Variants in LMTK3 observed in about 807,000 individuals in gnomAD.
LMTK3 encodes lemur tail kinase 3.
In LMTK3, 27 loss-of-function variants were observed where a neutral mutation model predicts 116.7. That is an observed-to-expected ratio of 0.23 (90% CI 0.17 to 0.32). The LOEUF is 0.32. LMTK3 is among the 10% of genes least tolerant of loss of function. The pLI is 1.00. For synonymous variants in LMTK3, 965 were observed against 971.0 expected (o/e 0.99, Z 0.11); for missense variants, 1,764 against 2,068.5 (o/e 0.85, Z 2.86).
rs970445655 is a variant in LMTK3, at chr19:48,511,758, C to T, written c.-182G>A. ...TGCTGGCTCAGGTACCCCCCTCCCC[C>T]TCTTTGAAGGGACAGACGGATGAAG... is the stretch of plus-strand genomic sequence containing the variant. On this transcript the variant is annotated 5_prime_UTR_variant, in exon 1 of 15. Coordinates refer to ENST00000600059, the MANE Select transcript of LMTK3 (RefSeq NM_001388485.1). 2 of 382,306 alleles carry T rather than the reference C, an allele frequency of 5.2e-6. No homozygotes were observed. Among genetic ancestry groups the T allele is most frequent in the Non-Finnish European group, 9.4e-6 (2 of 213,284 alleles). 23.7% of individuals were successfully genotyped at this position (382,306 alleles called of 1,614,324 possible).
chr19:48,496,061 T>G (rs764407840), intron 11 of LMTK3, among the ~76,000 whole-genome samples: 2 of 152,222 alleles, frequency 1.3e-5, no homozygotes, highest in African/African-American at 2.4e-5. Flanking sequence ...ACTGGATAGA[T>G]GCCTTAGCTT....
chr19:48,503,318 G>A (rs1186512399), intron 5 of LMTK3, among the ~76,000 whole-genome samples: 1 of 152,078 alleles, frequency 6.6e-6, no homozygotes, highest in Non-Finnish European at 1.5e-5. Context: ...AAAGTGCTGG[G>A]ATTACAGGCG....
Position 48,498,552 on chromosome 19 carries a change from C to A in LMTK3, c.2517G>T (p.Pro839=). Residue 839 remains proline (P), a synonymous_variant, in exon 11 of 15, where the codon CCG becomes CCT. Coordinates refer to ENST00000600059, the MANE Select transcript of LMTK3 (RefSeq NM_001388485.1). ...DPGAPRPPPD[P]GPLPLPGPRE... ...GGGGCCCCGGGAGTGGGAGCGGACC[C>A]GGGTCTGGAGGTGGCCGGGGCGCTC... The A allele has an allele frequency of 6.4e-7, 1 of 1,562,244 alleles. No individual in the cohort carries two copies. Among genetic ancestry groups the A allele is most frequent in the Non-Finnish European group, 8.7e-7 (1 of 1,153,376 alleles).
Position 48,486,226 on chromosome 19 carries a change from A to C in LMTK3, c.4367-437T>G, listed in dbSNP as rs1012710552. On this transcript the variant is annotated intron_variant, in intron 14 of 14. Transcript: ENST00000600059. ...AGGCGCCCGCCACTACGCCCGGCTAATTTTTTGTATTTTTAGTAGAGACGG... is the reference window on the plus strand; with the variant it reads ...AGGCGCCCGCCACTACGCCCGGCTACTTTTTTGTATTTTTAGTAGAGACGG... 3.1e-4 allele frequency among the ~76,000 whole-genome samples: 46 copies of C among 148,524 alleles called. 1 individual carries two copies. The highest frequency in any genetic ancestry group is 1.1e-3 in the African/African-American group (44 of 39,884).
chr19:48,498,120 C>T lies in LMTK3; in HGVS notation c.2949G>A (p.Glu983=), dbSNP rs905648442. ...ALENGELRSP[E]AGEKVLVNGG... Reference sequence around the variant, plus strand: ...CATTCACCAGCACCTTCTCCCCGGCCTCTGGGGACCTCAGCTCCCCATTCT... The same window carrying T: ...CATTCACCAGCACCTTCTCCCCGGCTTCTGGGGACCTCAGCTCCCCATTCT... Residue 983 remains glutamate (E), a synonymous_variant, in exon 11 of 15, where the codon GAG becomes GAA. Coordinates refer to ENST00000600059, the MANE Select transcript of LMTK3 (RefSeq NM_001388485.1). 6.8e-6 allele frequency: 11 copies of T among 1,613,606 alleles called. No homozygotes were observed. The highest frequency in any genetic ancestry group is 7.6e-6 in the Non-Finnish European group (9 of 1,179,838).
chr19:48,502,323 T>C (rs1972485189), intron 7 of LMTK3, 110 bp downstream of exon 7: 2 of 1,324,304 alleles, frequency 1.5e-6, no homozygotes, highest in Admixed American at 2.3e-5. Flanking sequence ...TCGTCCCTAT[T>C]TTGTGTCAGC....
intron 14 of LMTK3, among the ~76,000 whole-genome samples, chr19:48,487,877 T>A (rs1266559508): frequency 6.6e-6 from 1 of 152,090 alleles, no homozygotes; most frequent in Non-Finnish European, 1.5e-5. Flanking sequence ...TCATGCTTCA[T>A]GGAGACTTTG....
intron 5 of LMTK3, among the ~76,000 whole-genome samples, chr19:48,508,431 G>A (rs1434211633): frequency 2.0e-5 from 3 of 152,074 alleles, no homozygotes; most frequent in Non-Finnish European, 2.9e-5. Context: ...GGCAGGGATG[G>A]AGCTCCACAG....
intron 14 of LMTK3, among the ~76,000 whole-genome samples, chr19:48,490,381 C>T (rs958752786): frequency 1.3e-5 from 2 of 152,050 alleles, no homozygotes; most frequent in African/African-American, 4.8e-5. Flanking sequence ...AAAAAAGTAG[C>T]TGGGCGTGGT....
chr19:48,498,718 G>C lies in LMTK3; in HGVS notation c.2351C>G (p.Ser784Trp), dbSNP rs1231106255. The change falls in exon 11 of 15, where the codon TCG (serine) becomes TGG (tryptophan). Residue 784 changes from serine to tryptophan, a missense_variant. Ser to Trp is a radical substitution (Grantham distance 177). This residue lies in a region of LMTK3 where 1,028 missense variants were observed against 1,050.6 expected (regional missense o/e 0.98). Coordinates refer to ENST00000600059, the MANE Select transcript of LMTK3 (RefSeq NM_001388485.1). ...GTCCCCCGGCTTGGGGCCCGGCGAC[G>C]AGAGGCCTGAACCGGGACTGGCCAC... The part of the protein sequence containing the change: ...SAVASPGSGL[S>W]SPGPKPGDSG... The C allele has an allele frequency of 6.5e-7, 1 of 1,532,620 alleles. No individual in the cohort carries two copies. Among genetic ancestry groups the C allele is most frequent in the Admixed American group, 2.0e-5 (1 of 50,812 alleles). The allele number at this position is 1,532,620 out of a possible 1,614,324, so 94.9% of individuals were successfully genotyped here. A position where few individuals can be genotyped will look rare whatever the true frequency, so the allele number is the denominator to read the frequency against.
chr19:48,493,052 C>T (rs1453105795), intron 12 of LMTK3, among the ~76,000 whole-genome samples: 1 of 152,152 alleles, frequency 6.6e-6, no homozygotes, highest in East Asian at 1.9e-4. Context: ...CGCCCTGCTC[C>T]ATCCGCCCCG....
chr19:48,497,265 G>C lies in LMTK3; in HGVS notation c.3676+128C>G. The C allele has an allele frequency of 9.8e-7, 1 of 1,019,132 alleles. No homozygotes were observed. The highest frequency in any genetic ancestry group is 1.3e-6 in the Non-Finnish European group (1 of 769,540). The allele number at this position is 1,019,132 out of a possible 1,614,324, so 63.1% of individuals were successfully genotyped here. ...GGGCTGAGCCACGATGTGAGCCCAGGTGGTGCAGGCTTCAGGACCTGCATT... is the reference window on the plus strand; with the variant it reads ...GGGCTGAGCCACGATGTGAGCCCAGCTGGTGCAGGCTTCAGGACCTGCATT... On this transcript the variant is annotated intron_variant, in intron 11 of 14. Coordinates refer to ENST00000600059, the MANE Select transcript of LMTK3 (RefSeq NM_001388485.1). This position sits in a 1 kb window ranked among gnomAD's most constrained non-coding sequence, Gnocchi z 5.7.
At chr19:48,490,021 C>T (rs916441160) in intron 14 of LMTK3, among the ~76,000 whole-genome samples, 14 of 152,196 alleles carry the variant, frequency 9.2e-5, no homozygotes, top group Non-Finnish European at 7.3e-5. Context: ...GTGGCCTTAG[C>T]ATCGCTAAAA....
At position 48,499,097 on chromosome 19, in the gene LMTK3, C is replaced by T. The variant is rs779473606; in HGVS notation, c.1972G>A (p.Gly658Arg). The T allele has an allele frequency of 2.6e-6, 4 of 1,555,684 alleles. No individual in the cohort carries two copies. Among genetic ancestry groups the T allele is most frequent in the South Asian group, 1.2e-5 (1 of 84,586 alleles). Residue 658 changes from glycine to arginine, a missense_variant, in exon 11 of 15, where the codon GGA (glycine) becomes AGA (arginine). Physicochemically the swap from Gly to Arg is moderately radical, Grantham distance 125. This residue lies in a region of LMTK3 where 1,028 missense variants were observed against 1,050.6 expected (regional missense o/e 0.98). Coordinates refer to ENST00000600059, the MANE Select transcript of LMTK3 (RefSeq NM_001388485.1). ...GGACCCCGGCGGCTTGGGCCACCTC[C>T]AAGGCTGCTGCTGTCTTCCCCTGGG... ...SSPGEDSSSL[G>R]GGPSRRGPLP... is the part of the protein sequence containing the mutation.
chr19:48,510,687 C>A (rs1972642697), intron 1 of LMTK3, 95 bp from the exon 2 acceptor site: 2 of 1,349,898 alleles, frequency 1.5e-6, no homozygotes, highest in Admixed American at 3.1e-5. Context: ...GACTACAACT[C>A]CCGTGATGCT....
chr19:48,490,549 A>T (rs920213243), intron 14 of LMTK3, among the ~76,000 whole-genome samples: 1 of 149,924 alleles, frequency 6.7e-6, no homozygotes, highest in Non-Finnish European at 1.5e-5. Flanking sequence ...AAAAAAAAAA[A>T]TGAGGACGAG....
Position 48,493,696 on chromosome 19 carries a change from G to C in LMTK3, c.4090C>G (p.Gln1364Glu), listed in dbSNP as rs1972270191. 6.4e-7 allele frequency: 1 copy of C among 1,568,746 alleles called. No homozygotes were observed. The highest frequency in any genetic ancestry group is 1.2e-5 in the South Asian group (1 of 85,396). The change falls in exon 12 of 15, where the codon CAG becomes GAG. Residue 1364 changes from glutamine to glutamate, a missense_variant and splice_region_variant. Physicochemically the swap from Gln to Glu is conservative, Grantham distance 29 (BLOSUM62 2). Transcript: ENST00000600059. Reference protein sequence around the residue: ...HGDVTVYLFDQETPTNELSVQ... With the variant: ...HGDVTVYLFDEETPTNELSVQ... ...CCGCGCCCTCTCGGGTTCCGCACCT[G>C]GTCGAAGAGGTAGACGGTCACGTCC... is the stretch of plus-strand genomic sequence containing the variant.
chr19:48,501,219 G>A, intron 9 of LMTK3, 64 bp downstream of exon 9: 1 of 1,607,190 alleles, frequency 6.2e-7, no homozygotes, highest in African/African-American at 1.3e-5. Context: ...TGTAGAACCG[G>A]TGGCATCTAG....
Position 48,499,369 on chromosome 19 carries a change from G to C in LMTK3, c.1700C>G (p.Pro567Arg), listed in dbSNP as rs776850289. The C allele has an allele frequency of 9.3e-5, 132 of 1,425,166 alleles. No homozygotes were observed. Among genetic ancestry groups the C allele is most frequent in the Non-Finnish European group, 1.1e-4 (115 of 1,086,346 alleles). The allele number at this position is 1,425,166 out of a possible 1,614,324, so 88.3% of individuals were successfully genotyped here. A position where few individuals can be genotyped will look rare whatever the true frequency, so the allele number is the denominator to read the frequency against. The change falls in exon 11 of 15, where the codon CCT (proline) becomes CGT (arginine). Residue 567 changes from proline (P) to arginine (R), a missense_variant. By Grantham distance (103) the Pro-to-Arg change is moderately radical. Around this residue, in one of 7 missense-constraint regions of LMTK3, gnomAD observed 1,028 missense variants for 1,050.6 expected, o/e 0.98. Transcript: ENST00000600059. ...CTCGGAGGGGGCCTGGGGGGCCTGA[G>C]GGGCGGGCACTCCTGGGTCCAGGGG... is the stretch of plus-strand genomic sequence containing the variant. ...WDPLDPGVPA[P>R]QAPQAPSEVP...
Sources: allele counts gnomAD v4.1 joint callset (sites outside exome capture counted in the v4.1 genomes callset), GRCh38; gene constraint gnomAD v4.1.1; regional missense constraint gnomAD v4.1.1; non-coding constraint Gnocchi (gnomAD v3.1); transcripts MANE v1.5; gene names NCBI Gene and HGNC (gene_info 2026-07-23, HGNC 2026-07-21).